TMEM161B: variants seen among roughly 807,000 people sequenced by gnomAD.
TMEM161B encodes transmembrane protein 161B.
TMEM161B carries 34 observed loss-of-function variants against 61.8 expected under a neutral mutation model. The ratio of observed to expected loss-of-function variants is 0.55; its 90% CI spans 0.42 to 0.73. TMEM161B has a LOEUF of 0.73. TMEM161B is among the 30% of genes least tolerant of loss of function. The pLI, the probability that TMEM161B is intolerant of heterozygous loss-of-function variation, is 0.00. For missense variants in TMEM161B, 456 were observed against 558.5 expected (o/e 0.82, Z 1.85); for synonymous variants, 167 against 192.8 (o/e 0.87, Z 1.11).
intron 4 of TMEM161B, among the ~76,000 whole-genome samples, chr5:88,223,813 T>C (rs1271552263): frequency 6.6e-6 from 1 of 151,560 alleles, no homozygotes; most frequent in Non-Finnish European, 1.5e-5. Context: ...GGCGTGAACC[T>C]GGGAGGTGGA....
intron 11 of TMEM161B, among the ~76,000 whole-genome samples, chr5:88,196,827 T>G (rs1749735613): frequency 6.6e-6 from 1 of 152,120 alleles, no homozygotes; most frequent in Admixed American, 6.6e-5. Flanking sequence ...ACAGATTCAA[T>G]AACTTCTGAG....
chr5:88,187,082 A>G (rs1748397960), downstream of TMEM161B, among the ~76,000 whole-genome samples: 1 of 152,210 alleles, frequency 6.6e-6, no homozygotes. Context: ...TAAAATGTGG[A>G]CATCCAATTA....
intron 2 of TMEM161B, among the ~76,000 whole-genome samples, chr5:88,235,562 G>A (rs1370033913): frequency 1.3e-5 from 2 of 152,076 alleles, no homozygotes. Flanking sequence ...TTTCCACCAG[G>A]TGGTGATACA....
At chr5:88,220,147 C>A (rs1166037869) in intron 5 of TMEM161B, among the ~76,000 whole-genome samples, 2 of 151,952 alleles carry the variant, frequency 1.3e-5, no homozygotes, top group Non-Finnish European at 2.9e-5. Flanking sequence ...ATAGGCACAA[C>A]ATGGTAAAAG....
chr5:88,245,795 T>C (rs902187738), intron 1 of TMEM161B, among the ~76,000 whole-genome samples: 1 of 151,944 alleles, frequency 6.6e-6, no homozygotes, highest in African/African-American at 2.4e-5. Flanking sequence ...AGATATACCT[T>C]TAAAGATGTA....
chr5:88,211,663 C>A (rs1032476092), intron 5 of TMEM161B, among the ~76,000 whole-genome samples: 1 of 151,262 alleles, frequency 6.6e-6, no homozygotes, highest in Non-Finnish European at 1.5e-5. Flanking sequence ...CCAGCTAACT[C>A]GGGAAGCTGA....
chr5:88,195,552 A>G lies in TMEM161B; in HGVS notation c.*659T>C, dbSNP rs1029771098. 1 of 985,372 alleles carries G rather than the reference A, an allele frequency of 1.0e-6. No individual in the cohort carries two copies. Among genetic ancestry groups the G allele is most frequent in the African/African-American group, 1.7e-5 (1 of 57,186 alleles). The allele number at this position is 985,372 out of a possible 1,614,324, so 61.0% of individuals were successfully genotyped here. A position where few individuals can be genotyped will look rare whatever the true frequency, so the allele number is the denominator to read the frequency against. ...ATTACAAATGTTCATATGGCCAATC[A>G]TTTTAAAAGAACTCTCAAGTTGGGT... On this transcript the variant is annotated 3_prime_UTR_variant, in exon 12 of 12. Coordinates refer to ENST00000296595, the MANE Select transcript of TMEM161B (RefSeq NM_153354.5).
intron 1 of TMEM161B, among the ~76,000 whole-genome samples, chr5:88,266,542 T>TA (rs1473050447): frequency 9.2e-5 from 14 of 152,200 alleles, no homozygotes; most frequent in Non-Finnish European, 1.3e-4. Flanking sequence ...CCACTTCTCT[T>TA]ACCCAGGAGG....
downstream of TMEM161B, among the ~76,000 whole-genome samples, chr5:88,194,391 A>C (rs1171880646): frequency 6.6e-6 from 1 of 152,038 alleles, no homozygotes; most frequent in East Asian, 1.9e-4. Flanking sequence ...TATCCAATCA[A>C]CCACTGATGG....
chr5:88,241,798 C>T (rs1464778050), intron 1 of TMEM161B, among the ~76,000 whole-genome samples: 4 of 151,750 alleles, frequency 2.6e-5, no homozygotes, highest in Non-Finnish European at 5.9e-5. Context: ...CCCCTTCAAA[C>T]GTCTAACTCT....
intron 5 of TMEM161B, among the ~76,000 whole-genome samples, chr5:88,217,594 A>G (rs1199593582): frequency 2.0e-5 from 3 of 151,998 alleles, no homozygotes; most frequent in Non-Finnish European, 4.4e-5. Context: ...GGTGGGGGGT[A>G]ATAATAGGAG....
intron 5 of TMEM161B, among the ~76,000 whole-genome samples, chr5:88,211,633 G>A (rs555617193): frequency 2.0e-4 from 29 of 148,522 alleles, no homozygotes; most frequent in South Asian, 6.4e-4. Context: ...CGGCGGGCGC[G>A]GCGGCGGGCG....
At chr5:88,185,839 T>C (rs1748333565), downstream of TMEM161B, among the ~76,000 whole-genome samples, 1 of 151,202 alleles carries the variant, frequency 6.6e-6, no homozygotes, top group Non-Finnish European at 1.5e-5. Flanking sequence ...CAACAATGAG[T>C]TGTGGGACAA....
chr5:88,216,285 A>G (rs1259238516), intron 5 of TMEM161B, among the ~76,000 whole-genome samples: 2 of 152,224 alleles, frequency 1.3e-5, no homozygotes, highest in Admixed American at 1.3e-4. Context: ...GGAGAACATG[A>G]TAACTCACTG....
downstream of TMEM161B, among the ~76,000 whole-genome samples, chr5:88,188,962 G>C (rs1458402070): frequency 6.6e-6 from 1 of 152,094 alleles, no homozygotes; most frequent in African/African-American, 2.4e-5. Context: ...AAGAGAAATG[G>C]CTTCTCTCCT....
intron 9 of TMEM161B, chr5:88,201,098 T>C (rs1744322267): frequency 6.6e-6 from 1 of 151,846 alleles, no homozygotes; most frequent in Non-Finnish European, 1.5e-5. Context: ...CGAATTCAAA[T>C]TAAAGAAGAA....
chr5:88,189,200 C>CA (rs1748555976), downstream of TMEM161B, among the ~76,000 whole-genome samples: 1 of 151,976 alleles, frequency 6.6e-6, no homozygotes. Flanking sequence ...CCTTTTTAAA[C>CA]AAAAAGACTA....
chr5:88,187,503 C>T (rs1044736215), downstream of TMEM161B, among the ~76,000 whole-genome samples: 4 of 152,108 alleles, frequency 2.6e-5, no homozygotes, highest in East Asian at 1.9e-4. Flanking sequence ...TTTCTCTTAA[C>T]ATTTTGTAGA....
chr5:88,268,492 G>A (rs567092695), intron 1 of TMEM161B, among the ~76,000 whole-genome samples: 4 of 152,280 alleles, frequency 2.6e-5, no homozygotes, highest in South Asian at 4.1e-4. Context: ...CATACTCCCT[G>A]ACAGATACGC....
Sources: gnomAD v4.1 joint callset for allele counts (sites outside exome capture counted in the v4.1 genomes callset) on GRCh38, gnomAD v4.1.1 for gene constraint, MANE v1.5 for transcripts, NCBI Gene and HGNC (gene_info 2026-07-23, HGNC 2026-07-21) for gene names.